The following NBAS variants were observed in gnomAD, a reference collection of about 807,000 sequenced individuals.
The protein encoded by NBAS is NAG/BC035112 fusion.
Under a neutral mutation model 302.5 loss-of-function variants are expected in NBAS, and 219 were observed. The observed-to-expected ratio is 0.72, with a 90% confidence interval of 0.65 to 0.81. The LOEUF is 0.81. Ranked by LOEUF, NBAS falls within the 30% of genes least tolerant of loss-of-function variation. The probability of loss-of-function intolerance (pLI) is 0.00; values close to 1 mark genes in which losing one functional copy is unlikely to be tolerated. For synonymous variants in NBAS, 1,118 were observed against 1,021.6 expected, an observed-to-expected ratio of 1.09 and a Z score of -1.80; for missense variants, 2,932 against 2,841.6, an observed-to-expected ratio of 1.03 and a Z score of -0.72.
chr2:15,186,428 A>C (rs1186626379), intron 50 of NBAS, among the ~76,000 whole-genome samples: 3 of 152,194 alleles, frequency 2.0e-5, no homozygotes, highest in Admixed American at 2.0e-4. Context: ...TAGTTCAGAC[A>C]GATAATGCCT....
the NBAS span, among the ~76,000 whole-genome samples, chr2:14,950,337 T>C: frequency 1.1e-3 from 165 of 152,352 alleles, 2 homozygotes; most frequent in African/African-American, 3.7e-3. Context: ...TTGCAAGTGC[T>C]GTTAATTCAT....
chr2:15,461,596 A>G (rs552410663), intron 20 of NBAS, 91 bp downstream of exon 20: 568 of 815,306 alleles, frequency 7.0e-4, no homozygotes, highest in Non-Finnish European at 1.0e-3. Context: ...AAGAAAATGT[A>G]ATATATGCAC....
the NBAS span, among the ~76,000 whole-genome samples, chr2:14,961,179 C>G: frequency 6.6e-6 from 1 of 152,106 alleles, no homozygotes. Flanking sequence ...AAACTTGCAG[C>G]TCTCAGGAGA....
intron 23 of NBAS, among the ~76,000 whole-genome samples, chr2:15,422,619 T>A (rs573020872): frequency 6.6e-6 from 1 of 151,982 alleles, no homozygotes; most frequent in South Asian, 2.1e-4. Flanking sequence ...TTTTTGAAAC[T>A]GAATAATGTT....
the NBAS span, among the ~76,000 whole-genome samples, chr2:15,128,319 G>T: frequency 6.6e-6 from 1 of 152,160 alleles, no homozygotes; most frequent in African/African-American, 2.4e-5. Flanking sequence ...ACCTACTGGG[G>T]CTGTTACATG....
the NBAS span, among the ~76,000 whole-genome samples, chr2:14,934,088 C>T: frequency 6.6e-6 from 1 of 152,078 alleles, no homozygotes; most frequent in African/African-American, 2.4e-5. Context: ...CAGCCAACTT[C>T]CTCAGCCTGG....
At chr2:15,071,838 T>TGAGA in the NBAS span, among the ~76,000 whole-genome samples, 1 of 151,982 alleles carries the variant, frequency 6.6e-6, no homozygotes, top group Non-Finnish European at 1.5e-5. Context: ...CTTCTGAAGG[T>TGAGA]GAGAACAATG....
intron 9 of NBAS, among the ~76,000 whole-genome samples, chr2:15,515,670 C>T (rs2148654658): frequency 6.6e-6 from 1 of 152,146 alleles, no homozygotes; most frequent in African/African-American, 2.4e-5. Context: ...GATGATTGGC[C>T]AAGTAAATAA....
chr2:15,178,340 C>T (rs1664653275), intron 51 of NBAS, among the ~76,000 whole-genome samples: 1 of 152,146 alleles, frequency 6.6e-6, no homozygotes, highest in Admixed American at 6.5e-5. Context: ...CAGTAAGGAT[C>T]ATACAACATG....
chr2:15,427,713 G>A lies in NBAS; in HGVS notation c.2421C>T (p.Cys807=). 1.2e-6 allele frequency: 2 copies of A among 1,610,078 alleles called. No individual in the cohort carries two copies. Among genetic ancestry groups the A allele is most frequent in the South Asian group, 1.1e-5 (1 of 90,182 alleles). The change falls in exon 22 of 52, where the codon TGC becomes TGT. Residue 807 remains cysteine, a splice_region_variant and synonymous_variant. Transcript: ENST00000281513. ...GCCTCCTGCAGGCTCATACTGACCT[G>A]CAAGCCAACTCCTCGCACCAATCTT... ...RAKDWCEELA[C]RMVVEPNLQD...
At chr2:14,974,150 G>A in the NBAS span, among the ~76,000 whole-genome samples, 1 of 152,168 alleles carries the variant, frequency 6.6e-6, no homozygotes, top group Non-Finnish European at 1.5e-5. Context: ...AGTTATTTAT[G>A]CACATCTTGT....
chr2:15,382,217 A>G (rs1328191792), intron 29 of NBAS, among the ~76,000 whole-genome samples: 1 of 152,184 alleles, frequency 6.6e-6, no homozygotes, highest in Non-Finnish European at 1.5e-5. Context: ...GCGTGCACGC[A>G]CACACCCACA....
At position 15,526,407 on chromosome 2, in the gene NBAS, T is replaced by C. The variant is rs145187130; in HGVS notation, c.746+8136A>G. ...AGGCAAAACGATGAATTTCATAAAA[T>C]CCTGTTTGTATATTACCAATTTATC... is the stretch of plus-strand genomic sequence containing the variant. On this transcript the variant is annotated intron_variant, in intron 9 of 51. Transcript: ENST00000281513. 2.6e-5 allele frequency among the ~76,000 whole-genome samples: 4 copies of C among 152,324 alleles called. No individual in the cohort carries two copies. The East Asian group carries it at 5.8e-4, about 22-fold the overall frequency.
At chr2:14,838,721 C>G in the NBAS span, among the ~76,000 whole-genome samples, 1 of 152,002 alleles carries the variant, frequency 6.6e-6, no homozygotes, top group Middle Eastern at 3.4e-3. Context: ...CTACCAGATA[C>G]CTGGTGGCAT....
the NBAS span, among the ~76,000 whole-genome samples, chr2:14,840,855 A>G: frequency 1.3e-5 from 2 of 151,874 alleles, no homozygotes; most frequent in Non-Finnish European, 2.9e-5. Flanking sequence ...CACTGGTACA[A>G]TTAAATGGAT....
At chr2:14,834,576 G>T in the NBAS span, among the ~76,000 whole-genome samples, 1 of 152,114 alleles carries the variant, frequency 6.6e-6, no homozygotes, top group South Asian at 2.1e-4. Flanking sequence ...TATATGCAAG[G>T]TGCTATTCAG....
chr2:15,220,062 G>A (rs1305112643), intron 47 of NBAS, among the ~76,000 whole-genome samples: 13 of 146,958 alleles, frequency 8.8e-5, no homozygotes, highest in Admixed American at 5.4e-4. Context: ...CGGACGGGGC[G>A]GCTGGCCGGG....
At chr2:14,874,180 C>T in the NBAS span, among the ~76,000 whole-genome samples, 2 of 151,926 alleles carry the variant, frequency 1.3e-5, no homozygotes, top group Non-Finnish European at 2.9e-5. Flanking sequence ...TTAAAGGGAC[C>T]AATGCCTTAA....
At chr2:15,475,990 G>A in intron 13 of NBAS, 110 bp from the exon 14 acceptor site, 1 of 822,958 alleles carries the variant, frequency 1.2e-6, no homozygotes. Flanking sequence ...CATTATTTGG[G>A]CCCTAATGGT....
Sources: gnomAD v4.1 joint callset for allele counts (sites outside exome capture counted in the v4.1 genomes callset) on GRCh38, gnomAD v4.1.1 for gene constraint, MANE v1.5 for transcripts, NCBI Gene and HGNC (gene_info 2026-07-23, HGNC 2026-07-21) for gene names.